Variants in EDA observed in about 807,000 individuals in gnomAD.
The protein encoded by EDA is ectodysplasin-A.
Under a neutral mutation model 23.6 loss-of-function variants are expected in EDA, and 2 were observed. That is an observed-to-expected ratio of 0.08 (90% confidence interval 0.03 to 0.27). The LOEUF (loss-of-function observed/expected upper bound fraction) is 0.27. Ranked by LOEUF, EDA falls within the 10% of genes least tolerant of loss-of-function variation. EDA has a pLI of 1.00. For missense variants in EDA, 229 were observed against 324.2 expected (o/e 0.71, Z 2.26); for synonymous variants, 131 against 132.0 (o/e 0.99, Z 0.05).
chrX:69,739,437 C>G (rs1376146453), intron 1 of EDA, among the ~76,000 whole-genome samples: 1 of 110,445 alleles, frequency 9.1e-6, no homozygotes, highest in Non-Finnish European at 1.9e-5. Flanking sequence ...TAAAAAAAGT[C>G]TGATAATCTC....
chrX:69,832,212 G>C (rs2016630514), intron 1 of EDA, among the ~76,000 whole-genome samples: 1 of 111,688 alleles, frequency 9.0e-6, no homozygotes, highest in Non-Finnish European at 1.9e-5. Context: ...GTTAATTTTT[G>C]TATAAGGTGT....
intron 1 of EDA, among the ~76,000 whole-genome samples, chrX:69,665,465 ATC>A: frequency 9.0e-6 from 1 of 111,601 alleles, no homozygotes; most frequent in East Asian, 2.8e-4. Context: ...TAGGTCTTTT[ATC>A]CATTTGAATT....
intron 1 of EDA, among the ~76,000 whole-genome samples, chrX:69,822,769 CAT>C (rs1163857522): frequency 9.2e-6 from 1 of 109,167 alleles, no homozygotes; most frequent in Non-Finnish European, 1.9e-5. Context: ...CATGTGTACA[CAT>C]GTGCCATGCT....
At chrX:69,673,178 A>G (rs1933960794) in intron 1 of EDA, among the ~76,000 whole-genome samples, 1 of 111,525 alleles carries the variant, frequency 9.0e-6, no homozygotes, top group South Asian at 3.8e-4. Context: ...AGAGTGTAAC[A>G]GCATTGATAC....
intron 1 of EDA, among the ~76,000 whole-genome samples, chrX:69,865,007 C>G (rs1158307758): frequency 9.1e-6 from 1 of 110,109 alleles, no homozygotes; most frequent in Non-Finnish European, 1.9e-5. Context: ...AAACATGATA[C>G]AGGATATGAA....
At chrX:69,688,070 T>C (rs184693515) in intron 1 of EDA, among the ~76,000 whole-genome samples, 28 of 111,515 alleles carry the variant, frequency 2.5e-4, no homozygotes, top group East Asian at 1.1e-3. Context: ...CACAGACTTA[T>C]CAAGGGATTT....
chrX:69,639,961 T>G (rs1932821850), intron 1 of EDA, among the ~76,000 whole-genome samples: 1 of 112,252 alleles, frequency 8.9e-6, no homozygotes, highest in South Asian at 3.7e-4. Context: ...TCAGTTTCAC[T>G]CTTTTATACG....
intron 1 of EDA, among the ~76,000 whole-genome samples, chrX:69,811,850 G>A (rs190319878): frequency 8.9e-6 from 1 of 111,792 alleles, no homozygotes; most frequent in East Asian, 2.8e-4. Context: ...CCAAGGTGAG[G>A]TTTCCTGTGC....
chrX:69,809,049 T>C (rs1193256021), intron 1 of EDA, among the ~76,000 whole-genome samples: 1 of 111,686 alleles, frequency 9.0e-6, no homozygotes, highest in African/African-American at 3.3e-5. Context: ...CCACATTTAC[T>C]ATTTTAACCT....
chrX:69,696,663 C>T (rs1411522894), intron 1 of EDA, among the ~76,000 whole-genome samples: 6 of 111,639 alleles, frequency 5.4e-5, no homozygotes, highest in African/African-American at 2.0e-4. Context: ...CTCTTAGTAA[C>T]CTTAATTTCT....
intron 1 of EDA, among the ~76,000 whole-genome samples, chrX:69,818,341 C>T (rs2016129280): frequency 9.0e-6 from 1 of 110,908 alleles, no homozygotes; most frequent in Non-Finnish European, 1.9e-5. Flanking sequence ...CAACCCCAAA[C>T]CTAGCAGAAG....
intron 1 of EDA, among the ~76,000 whole-genome samples, chrX:69,894,815 A>G (rs1174326802): frequency 1.8e-5 from 2 of 111,885 alleles, no homozygotes; most frequent in Non-Finnish European, 3.8e-5. Context: ...GGCAGAGACT[A>G]TGGGGTTTTC....
intron 1 of EDA, among the ~76,000 whole-genome samples, chrX:69,679,543 T>A (rs1334408556): frequency 3.6e-5 from 4 of 111,364 alleles, no homozygotes; most frequent in Non-Finnish European, 5.6e-5. Flanking sequence ...CCTTGTTTAG[T>A]CTTGGGAGGG....
chrX:69,945,488 T>C (rs1341807482), intron 1 of EDA, among the ~76,000 whole-genome samples: 1 of 112,026 alleles, frequency 8.9e-6, no homozygotes, highest in East Asian at 2.8e-4. Flanking sequence ...AATCAAAGGA[T>C]TCGTTAGAGT....
intron 1 of EDA, among the ~76,000 whole-genome samples, chrX:69,788,160 T>A (rs1299391842): frequency 2.7e-5 from 3 of 111,765 alleles, no homozygotes; most frequent in Non-Finnish European, 3.8e-5. Context: ...TTTAAGCACT[T>A]CTCTGTATTG....
intron 1 of EDA, among the ~76,000 whole-genome samples, chrX:69,706,191 G>C (rs1464899964): frequency 1.8e-5 from 2 of 111,709 alleles, no homozygotes; most frequent in Non-Finnish European, 3.8e-5. Flanking sequence ...ACTGAGTTCA[G>C]AGTGGTTCCC....
Position 70,028,172 on chromosome X carries a change from C to T in EDA, c.706+136C>T, listed in dbSNP as rs767848328. 2,343 of 1,043,233 alleles carry T rather than the reference C, an allele frequency of 2.2e-3. 9 individuals carry two copies. Among genetic ancestry groups the T allele is most frequent in the South Asian group, 0.018 (761 of 42,116 alleles). 86.0% of individuals were successfully genotyped at this position (1,043,233 alleles called of 1,213,427 possible). ...AATAAGGGATGCAGATCTCCTAGCC[C>T]AGTGTAAAACTAGGAATTGGACAAG... On this transcript the variant is annotated intron_variant, in intron 4 of 7. Coordinates refer to ENST00000374552, the MANE Select transcript of EDA (RefSeq NM_001399.5).
At chrX:69,786,551 C>A (rs1188397053) in intron 1 of EDA, among the ~76,000 whole-genome samples, 1 of 110,338 alleles carries the variant, frequency 9.1e-6, no homozygotes, top group African/African-American at 3.3e-5. Context: ...GTTATGTACC[C>A]AGTAGTCATT....
chrX:69,762,941 A>G (rs2014358501), intron 1 of EDA, among the ~76,000 whole-genome samples: 1 of 112,224 alleles, frequency 8.9e-6, no homozygotes, highest in Non-Finnish European at 1.9e-5. Flanking sequence ...TTAGTTAGAA[A>G]TATCCTCATG....
Sources: gnomAD v4.1 joint callset for allele counts (sites outside exome capture counted in the v4.1 genomes callset) on GRCh38, gnomAD v4.1.1 for gene constraint, MANE v1.5 for transcripts, NCBI Gene and HGNC (gene_info 2026-07-23, HGNC 2026-07-21) for gene names.